Variants in DNAJC21 observed in about 807,000 individuals in gnomAD.
The protein encoded by DNAJC21 is dnaJ homolog subfamily C member 21.
A neutral mutation model predicts 72.4 loss-of-function variants in DNAJC21; 63 were observed. The ratio of observed to expected loss-of-function variants is 0.87; its 90% CI spans 0.71 to 1.07. The LOEUF (loss-of-function observed/expected upper bound fraction) is 1.07. DNAJC21 is among the 50% of genes least tolerant of loss of function. The pLI is 0.00. For missense variants in DNAJC21, 634 were observed against 644.8 expected, an observed-to-expected ratio of 0.98 and a Z score of 0.18; for synonymous variants, 203 against 216.7, an observed-to-expected ratio of 0.94 and a Z score of 0.56.
At chr5:34,944,076 A>G (rs1580534067) in intron 7 of DNAJC21, among the ~76,000 whole-genome samples, 1 of 152,362 alleles carries the variant, frequency 6.6e-6, no homozygotes, top group East Asian at 1.9e-4. Context: ...GATGAAGTAG[A>G]TAGTTGACAA....
At chr5:34,950,547 A>G in intron 10 of DNAJC21, 1 of 1,208,410 alleles carries the variant, frequency 8.3e-7, no homozygotes, top group Non-Finnish European at 1.0e-6. Flanking sequence ...GTGCCCACAC[A>G]CATCTCAGCA....
intron 2 of DNAJC21, 99 bp from the exon 3 acceptor site, chr5:34,935,611 A>C: frequency 6.6e-7 from 1 of 1,519,530 alleles, no homozygotes; most frequent in Non-Finnish European, 8.9e-7. Flanking sequence ...ACATATCAAC[A>C]ACCAAAAATG....
At chr5:34,931,112 A>T (rs1029784120) in intron 1 of DNAJC21, among the ~76,000 whole-genome samples, 1 of 152,176 alleles carries the variant, frequency 6.6e-6, no homozygotes, top group African/African-American at 2.4e-5. Context: ...GCAGGTCTGA[A>T]AAATAGGGAT....
At chr5:34,953,645 A>G (rs1029357964) in intron 10 of DNAJC21, 6 of 309,944 alleles carry the variant, frequency 1.9e-5, no homozygotes, top group African/African-American at 1.3e-4. Context: ...CTCTGTATAA[A>G]ACATTCAGAG....
chr5:34,950,671 A>G, intron 10 of DNAJC21: 1 of 1,005,202 alleles, frequency 9.9e-7, no homozygotes, highest in Non-Finnish European at 1.2e-6. Flanking sequence ...TGAGAACAAG[A>G]CTCCTGCTGC....
chr5:34,953,709 T>C, intron 10 of DNAJC21: 1 of 436,532 alleles, frequency 2.3e-6, no homozygotes, highest in Non-Finnish European at 4.0e-6. Flanking sequence ...GGAAATTCCT[T>C]AATTTTTGTG....
rs1765546629 is a variant in DNAJC21 at position 34,956,677 on chromosome 5, C to G, written c.*1963C>G. On this transcript the variant is annotated 3_prime_UTR_variant, in exon 12 of 12. Coordinates refer to ENST00000648817, the MANE Select transcript of DNAJC21 (RefSeq NM_001012339.3). Reference sequence around the variant, plus strand: ...CTTCTTTGCTTTCTCTTATACCAAACATGCAGGTATTTAATTTGTTTAATG... The same window carrying G: ...CTTCTTTGCTTTCTCTTATACCAAAGATGCAGGTATTTAATTTGTTTAATG... The G allele has an allele frequency of 6.6e-6, 1 of 152,186 alleles. No homozygotes were observed. Among genetic ancestry groups the G allele is most frequent in the South Asian group, 2.1e-4 (1 of 4,828 alleles). The allele number at this position is 152,186 out of a possible 1,614,324, so 9.4% of individuals were successfully genotyped here.
intron 9 of DNAJC21, among the ~76,000 whole-genome samples, chr5:34,946,406 A>G (rs951522295): frequency 1.3e-5 from 2 of 152,154 alleles, no homozygotes; most frequent in Non-Finnish European, 1.5e-5. Context: ...TACCAAGGAC[A>G]TTTGGATTTA....
intron 7 of DNAJC21, 78 bp from the exon 8 acceptor site, chr5:34,944,789 G>C (rs1006170334): frequency 1.5e-5 from 24 of 1,569,756 alleles, no homozygotes; most frequent in Non-Finnish European, 2.1e-5. Flanking sequence ...TTTTATCTTG[G>C]TTGCAGTTAT....
At chr5:34,951,419 T>C (rs1057514030) in intron 10 of DNAJC21, 1 of 985,348 alleles carries the variant, frequency 1.0e-6, no homozygotes, top group Non-Finnish European at 1.2e-6. Flanking sequence ...TCTGACTCCA[T>C]GGAGCCTGTG....
Position 34,935,910 on chromosome 5 carries a change from C to T in DNAJC21, c.315+77C>T, listed in dbSNP as rs1764755424. On this transcript the variant is annotated intron_variant, in intron 3 of 11. Transcript: ENST00000648817. The stretch of plus-strand genomic sequence containing the variant: ...TCACATACAAAGAGAATTCTTAAAA[C>T]TATTCTGTAATAGAAAGTGAAGCAG... 2.5e-5 allele frequency: 40 copies of T among 1,580,696 alleles called. 1 individual carries two copies. The South Asian group carries it at 4.3e-4, about 17-fold the overall frequency.
intron 10 of DNAJC21, chr5:34,951,962 C>T: frequency 5.1e-6 from 5 of 985,476 alleles, no homozygotes; most frequent in Non-Finnish European, 6.0e-6. Flanking sequence ...TTCTTCACAG[C>T]TGCAGAATGG....
chr5:34,949,624 A>G (rs1765292628), intron 9 of DNAJC21: 1 of 1,606,942 alleles, frequency 6.2e-7, no homozygotes, highest in Non-Finnish European at 8.5e-7. Flanking sequence ...GGGAGAGAGA[A>G]GAGATGGAGA....
chr5:34,944,319 C>G (rs1448176598), intron 7 of DNAJC21, among the ~76,000 whole-genome samples: 2 of 152,198 alleles, frequency 1.3e-5, no homozygotes, highest in Non-Finnish European at 2.9e-5. Context: ...GTAAACTGCT[C>G]TTGTATTTCA....
intron 9 of DNAJC21, 128 bp downstream of exon 9, chr5:34,945,931 A>T (rs1765163186): frequency 4.7e-6 from 3 of 641,898 alleles, no homozygotes; most frequent in Non-Finnish European, 7.5e-6. Context: ...TGTAAGATTG[A>T]TTAAAAAGGA....
At position 34,954,861 on chromosome 5, in the gene DNAJC21, G is replaced by A. The variant is rs965633216; in HGVS notation, c.*147G>A. 5 of 948,846 alleles carry A rather than the reference G, an allele frequency of 5.3e-6. No homozygotes were observed. Among genetic ancestry groups the A allele is most frequent in the East Asian group, 3.0e-5 (1 of 33,082 alleles). 58.8% of individuals were successfully genotyped at this position (948,846 alleles called of 1,614,324 possible). On this transcript the variant is annotated 3_prime_UTR_variant, in exon 12 of 12. Coordinates refer to ENST00000648817, the MANE Select transcript of DNAJC21 (RefSeq NM_001012339.3). Reference sequence around the variant, plus strand: ...TTTTATCTTGTAAAAACACTTTTTTGGTTTAATATATATTTTTAAAACATT... The same window carrying A: ...TTTTATCTTGTAAAAACACTTTTTTAGTTTAATATATATTTTTAAAACATT...
In DNAJC21 at chr5:34,929,766, C is replaced by G; in HGVS notation, c.-54C>G. On this transcript the variant is annotated 5_prime_UTR_variant, in exon 1 of 12. Transcript: ENST00000648817. ...CCGCCGCCGCCGCTTCGGCCCGGGC[C>G]CGGGCCCCGACCCCGTCCCGGGCCC... 1.0e-6 allele frequency: 1 copy of G among 999,196 alleles called. No individual in the cohort carries two copies. The highest frequency in any genetic ancestry group is 1.2e-6 in the Non-Finnish European group (1 of 814,106). 61.9% of individuals were successfully genotyped at this position (999,196 alleles called of 1,614,324 possible). A position where few individuals can be genotyped will look rare whatever the true frequency, so the allele number is the denominator to read the frequency against.
Position 34,952,940 on chromosome 5 carries a change from G to A in DNAJC21, c.1359-986G>A, listed in dbSNP as rs146487273. Among the ~76,000 whole-genome samples, 11 of 152,138 alleles carry A rather than the reference G, an allele frequency of 7.2e-5. No individual in the cohort carries two copies. The East Asian group carries it at 2.2e-3, about 30-fold the overall frequency. ...CCAAGGCGGGTGGATCACGAGGTCA[G>A]GAGTTCGAGACCATCCTGGCCAATA... On this transcript the variant is annotated intron_variant, in intron 10 of 11. Transcript: ENST00000648817.
In DNAJC21 at chr5:34,957,172, T is replaced by C. The variant is rs1285730968; in HGVS notation, c.*2458T>C. The C allele has an allele frequency of 1.3e-5, 2 of 152,244 alleles. No homozygotes were observed. Among genetic ancestry groups the C allele is most frequent in the Non-Finnish European group, 2.9e-5 (2 of 68,048 alleles). 9.4% of individuals were successfully genotyped at this position (152,244 alleles called of 1,614,324 possible). A position where few individuals can be genotyped will look rare whatever the true frequency, so the allele number is the denominator to read the frequency against. On this transcript the variant is annotated 3_prime_UTR_variant, in exon 12 of 12. Coordinates refer to ENST00000648817, the MANE Select transcript of DNAJC21 (RefSeq NM_001012339.3). ...TTTGGTGAATTGCAGACATTTAATT[T>C]CACTTGTCTGAGGTAAAACAATAAA...
Sources: allele counts gnomAD v4.1 joint callset (sites outside exome capture counted in the v4.1 genomes callset), GRCh38; gene constraint gnomAD v4.1.1; transcripts MANE v1.5; gene names NCBI Gene and HGNC (gene_info 2026-07-23, HGNC 2026-07-21).